The following CDC42BPA variants were observed in gnomAD, a reference collection of about 807,000 sequenced individuals.
CDC42BPA encodes serine/threonine-protein kinase MRCK alpha.
In CDC42BPA, 80 loss-of-function variants were observed where a neutral mutation model predicts 223.5. The observed-to-expected ratio is 0.36, with a 90% confidence interval of 0.30 to 0.43. CDC42BPA has a LOEUF of 0.43. Ranked by LOEUF, CDC42BPA falls within the 20% of genes least tolerant of loss-of-function variation. The pLI is 1.00. For synonymous variants in CDC42BPA, 694 were observed against 718.6 expected, an observed-to-expected ratio of 0.97 and a Z score of 0.55; for missense variants, 1,743 against 2,099.9, an observed-to-expected ratio of 0.83 and a Z score of 3.32.
At chr1:227,157,188 T>C (rs984393211) in intron 6 of CDC42BPA, among the ~76,000 whole-genome samples, 4 of 152,228 alleles carry the variant, frequency 2.6e-5, no homozygotes, top group African/African-American at 9.6e-5. Flanking sequence ...GTATAGACAT[T>C]TTATTTACCC....
intron 35 of CDC42BPA, among the ~76,000 whole-genome samples, chr1:227,002,178 C>T (rs1663002879): frequency 6.6e-6 from 1 of 152,172 alleles, no homozygotes; most frequent in South Asian, 2.1e-4. Context: ...TAAAAACATT[C>T]TGGCCTCAAG....
At chr1:227,288,714 G>T (rs1317308825) in intron 1 of CDC42BPA, among the ~76,000 whole-genome samples, 1 of 152,044 alleles carries the variant, frequency 6.6e-6, no homozygotes, top group Non-Finnish European at 1.5e-5. Context: ...AATTTTTAAG[G>T]CCAGGTGTGG....
intron 5 of CDC42BPA, among the ~76,000 whole-genome samples, chr1:227,176,099 T>C (rs1666921625): frequency 6.6e-6 from 1 of 152,098 alleles, no homozygotes; most frequent in Admixed American, 6.5e-5. Flanking sequence ...ACTACAGGCG[T>C]GTGATACCAT....
In CDC42BPA at chr1:227,155,596, GA is replaced by G. The variant is rs539213482; in HGVS notation, c.693+4946del. ...GACTCCAGTATGAATATCTCCATGG[GA>G]AAAAAAGGAACTGCTAAATTCCTTT... On this transcript the variant is annotated intron_variant, in intron 6 of 36. Transcript: ENST00000366766. 8.5e-5 allele frequency among the ~76,000 whole-genome samples: 13 copies of G among 152,048 alleles called. No homozygotes were observed. In the East Asian group the frequency reaches 2.5e-3, roughly 29 times the overall value.
intron 10 of CDC42BPA, among the ~76,000 whole-genome samples, chr1:227,136,070 GA>G (rs1475544816): frequency 9.1e-6 from 1 of 109,324 alleles, no homozygotes; most frequent in Non-Finnish European, 2.0e-5. Flanking sequence ...GAAAAAAACA[GA>G]AAGGCAGGCT....
At chr1:227,012,887 T>G (rs1665489473) in intron 34 of CDC42BPA, among the ~76,000 whole-genome samples, 1 of 152,128 alleles carries the variant, frequency 6.6e-6, no homozygotes, top group African/African-American at 2.4e-5. Context: ...TAGTGTCTAC[T>G]CTGAGATAAA....
At position 227,277,854 on chromosome 1, in the gene CDC42BPA, A is replaced by C. The variant is rs140284686; in HGVS notation, c.179-23699T>G. Among the ~76,000 whole-genome samples, 1,238 of 152,126 alleles carry C rather than the reference A, an allele frequency of 8.1e-3. 16 individuals are homozygous for C. The highest frequency in any genetic ancestry group is 0.028 in the African/African-American group (1,176 of 41,494). On this transcript the variant is annotated intron_variant, in intron 1 of 36. Transcript: ENST00000366766. Reference sequence around the variant, plus strand: ...AAGCTCCACCTCCATGGTTCACATCATTCTCCTGCCTCAGCCTCCCGAGTA... The same window carrying C: ...AAGCTCCACCTCCATGGTTCACATCCTTCTCCTGCCTCAGCCTCCCGAGTA...
chr1:227,161,973 A>G (rs1013336069), intron 5 of CDC42BPA, among the ~76,000 whole-genome samples: 26 of 152,234 alleles, frequency 1.7e-4, no homozygotes, highest in African/African-American at 5.8e-4. Context: ...TAGAGGAAAC[A>G]TCAAAGAAGT....
intron 5 of CDC42BPA, among the ~76,000 whole-genome samples, chr1:227,179,452 T>G (rs373426208): frequency 6.6e-6 from 1 of 151,392 alleles, no homozygotes; most frequent in Non-Finnish European, 1.5e-5. Flanking sequence ...CTGGCTAACA[T>G]GGTGAAACTC....
intron 16 of CDC42BPA, among the ~76,000 whole-genome samples, chr1:227,082,898 G>C (rs765002907): frequency 6.6e-6 from 1 of 151,944 alleles, no homozygotes; most frequent in Non-Finnish European, 1.5e-5. Context: ...TAATTTTTCT[G>C]TTGGGAGGTC....
chr1:227,203,931 T>A (rs1338090487), intron 3 of CDC42BPA, among the ~76,000 whole-genome samples: 5 of 152,190 alleles, frequency 3.3e-5, no homozygotes, highest in Non-Finnish European at 7.4e-5. Context: ...GATGCACTCA[T>A]CAGACTAACA....
chr1:227,119,516 T>C (rs1414349098), intron 12 of CDC42BPA, among the ~76,000 whole-genome samples: 1 of 152,072 alleles, frequency 6.6e-6, no homozygotes, highest in Non-Finnish European at 1.5e-5. Flanking sequence ...ACTATTTTCT[T>C]ATTTCTTCAT....
intron 25 of CDC42BPA, 137 bp downstream of exon 25, chr1:227,035,334 G>A (rs2148703806): frequency 1.6e-6 from 1 of 642,084 alleles, no homozygotes; most frequent in African/African-American, 1.9e-5. Context: ...CATTATTCTA[G>A]ATGAAATAAA....
intron 1 of CDC42BPA, among the ~76,000 whole-genome samples, chr1:227,287,052 C>T (rs534655724): frequency 6.6e-6 from 1 of 152,258 alleles, no homozygotes; most frequent in African/African-American, 2.4e-5. Context: ...CTAGACCCCA[C>T]CTTCAACATT....
At chr1:227,288,649 C>T (rs537085725) in intron 1 of CDC42BPA, among the ~76,000 whole-genome samples, 581 of 150,874 alleles carry the variant, frequency 3.9e-3, no homozygotes, top group Non-Finnish European at 6.4e-3. Flanking sequence ...TGAGCCAAGA[C>T]TGCACCATTT....
chr1:227,110,352 T>G (rs1183834652), intron 14 of CDC42BPA, among the ~76,000 whole-genome samples: 1 of 152,222 alleles, frequency 6.6e-6, no homozygotes, highest in Admixed American at 6.5e-5. Context: ...ATGCATTAAC[T>G]TATTTACTAG....
At chr1:227,043,436 TTTTC>T (rs1266434689) in intron 23 of CDC42BPA, among the ~76,000 whole-genome samples, 27 of 151,872 alleles carry the variant, frequency 1.8e-4, no homozygotes, top group African/African-American at 5.8e-4. Context: ...AAAAATTTAA[TTTTC>T]TTTTTAAAAA....
intron 21 of CDC42BPA, among the ~76,000 whole-genome samples, chr1:227,064,245 C>T (rs1676521659): frequency 6.6e-6 from 1 of 152,070 alleles, no homozygotes; most frequent in Admixed American, 6.6e-5. Context: ...GGCAAATGGG[C>T]AATTTCTATT....
chr1:227,209,152 CTGTT>C (rs1219311874), intron 3 of CDC42BPA, among the ~76,000 whole-genome samples: 79 of 132,632 alleles, frequency 6.0e-4, no homozygotes, highest in Middle Eastern at 3.8e-3. Context: ...ATTTGGCTCT[CTGTT>C]TGTCTGTTGT....
Sources: gnomAD v4.1 joint callset for allele counts (sites outside exome capture counted in the v4.1 genomes callset) on GRCh38, gnomAD v4.1.1 for gene constraint, MANE v1.5 for transcripts, NCBI Gene and HGNC (gene_info 2026-07-23, HGNC 2026-07-21) for gene names.